The following MED9 variants were observed in gnomAD, a reference collection of about 807,000 sequenced individuals.
MED9 encodes the protein mediator complex subunit 9, also known as mediator of RNA polymerase II transcription subunit 9.
MED9 carries 8 observed loss-of-function variants against 13.2 expected under a neutral mutation model. The observed-to-expected ratio is 0.61, with a 90% CI of 0.36 to 1.10. The LOEUF (loss-of-function observed/expected upper bound fraction) is 1.10, where lower values mean the gene tolerates loss of function less well. Among genes scored for constraint, MED9 ranks in the 50% least tolerant of loss-of-function variants. The pLI is 0.02. For synonymous variants in MED9, 87 were observed against 82.8 expected (o/e 1.05, Z -0.28); for missense variants, 180 against 193.4 (o/e 0.93, Z 0.41).
Position 17,483,861 on chromosome 17 carries a change from C to T in MED9, c.224+6596C>T, listed in dbSNP as rs200209442. On this transcript the variant is annotated intron_variant, in intron 1 of 1. Coordinates refer to ENST00000268711, the MANE Select transcript of MED9 (RefSeq NM_018019.3). This position sits in a 1 kb window ranked among gnomAD's most constrained non-coding sequence, Gnocchi z 4.2. ...CTGAGGCAGGAGAATCGCTTGAACC[C>T]GGGAGGCGGAGGTTGCAGTGAGCCA... Among the ~76,000 whole-genome samples, 10 of 150,834 alleles carry T rather than the reference C, an allele frequency of 6.6e-5. No homozygotes were observed. Among genetic ancestry groups the T allele is most frequent in the South Asian group, 2.1e-4 (1 of 4,794 alleles).
chr17:17,488,831 CA>C (rs532899008), intron 1 of MED9, among the ~76,000 whole-genome samples: 11,618 of 137,050 alleles, frequency 0.085, 873 homozygotes, highest in African/African-American at 0.21. Flanking sequence ...AACTCTGTCT[CA>C]AAAAAAAAAA....
chr17:17,482,227 T>G (rs530078343), intron 1 of MED9, among the ~76,000 whole-genome samples: 116 of 152,308 alleles, frequency 7.6e-4, no homozygotes, highest in African/African-American at 2.5e-3. Context: ...GTAGTCTCTG[T>G]GGGGGTAAAT....
At chr17:17,491,237 T>C in intron 1 of MED9, 42 bp from the exon 2 acceptor site, 1 of 1,559,938 alleles carries the variant, frequency 6.4e-7, no homozygotes, top group Non-Finnish European at 8.8e-7. Flanking sequence ...CGCCAAGACG[T>C]GTATCAAGCT....
chr17:17,489,021 C>T (rs1399748902), intron 1 of MED9, among the ~76,000 whole-genome samples: 1 of 152,154 alleles, frequency 6.6e-6, no homozygotes, highest in Non-Finnish European at 1.5e-5. Context: ...TTTATTCACT[C>T]GGTATTTGGT....
At position 17,492,186 on chromosome 17, in the gene MED9, C is replaced by G. The variant is rs1370121702; in HGVS notation, c.*691C>G. 1 of 153,898 alleles carries G rather than the reference C, an allele frequency of 6.5e-6. No homozygotes were observed. The highest frequency in any genetic ancestry group is 2.4e-5 in the African/African-American group (1 of 41,480). The allele number at this position is 153,898 out of a possible 1,614,324, so 9.5% of individuals were successfully genotyped here. A position where few individuals can be genotyped will look rare whatever the true frequency, so the allele number is the denominator to read the frequency against. ...TGCCTCCTAGCGCTCTCCTCGCCTT[C>G]AGCTCTTGCTCCCTTCCTCGTTCAT... On this transcript the variant is annotated 3_prime_UTR_variant, in exon 2 of 2. Transcript: ENST00000268711.
At chr17:17,488,722 A>T (rs1905180358) in intron 1 of MED9, among the ~76,000 whole-genome samples, 1 of 152,092 alleles carries the variant, frequency 6.6e-6, no homozygotes, top group Non-Finnish European at 1.5e-5. Context: ...AATCCCAGCT[A>T]CTCAGGAGGC....
Position 17,477,062 on chromosome 17 carries a change from A to G in MED9, c.21A>G (p.Ala7=). The stretch of plus-strand genomic sequence containing the variant: ...GAGCCATGGCCTCTGCTGGGGTGGC[A>G]GCCGGGCGACAGGCGGAGGATGTAT... The part of the protein sequence containing the change: MASAGV[A]AGRQAEDVLP... The change falls in exon 1 of 2, where the codon GCA becomes GCG. Residue 7 remains alanine, a synonymous_variant. Transcript: ENST00000268711. 2 of 1,606,670 alleles carry G rather than the reference A, an allele frequency of 1.2e-6. No individual in the cohort carries two copies. Among genetic ancestry groups the G allele is most frequent in the Non-Finnish European group, 1.7e-6 (2 of 1,179,694 alleles).
intron 1 of MED9, among the ~76,000 whole-genome samples, chr17:17,477,864 A>G (rs1453810372): frequency 6.6e-6 from 1 of 152,260 alleles, no homozygotes; most frequent in Non-Finnish European, 1.5e-5. Context: ...ACTTTGTTCT[A>G]ACAGTACCAA....
In MED9 at chr17:17,491,646, C is replaced by G. The variant is rs1041967523; in HGVS notation, c.*151C>G. ...GGCTCCTGTGCTGCTGCGCGCGCTTCGCCTGTGCGGGAGCCAGCGCAGAGC... is the reference window on the plus strand; with the variant it reads ...GGCTCCTGTGCTGCTGCGCGCGCTTGGCCTGTGCGGGAGCCAGCGCAGAGC... On this transcript the variant is annotated 3_prime_UTR_variant, in exon 2 of 2. Coordinates refer to ENST00000268711, the MANE Select transcript of MED9 (RefSeq NM_018019.3). The G allele has an allele frequency of 1.2e-5, 9 of 759,392 alleles. No homozygotes were observed. The South Asian group carries it at 1.4e-4, about 12-fold the overall frequency. The allele number at this position is 759,392 out of a possible 1,614,324, so 47.0% of individuals were successfully genotyped here.
chr17:17,490,233 C>A (rs1396744780), intron 1 of MED9, among the ~76,000 whole-genome samples: 2 of 152,140 alleles, frequency 1.3e-5, no homozygotes, highest in Admixed American at 1.3e-4. Flanking sequence ...GTCAGGAGTT[C>A]AAGACCAGCC....
At chr17:17,478,887 A>AT (rs1327741903) in intron 1 of MED9, among the ~76,000 whole-genome samples, 1 of 152,016 alleles carries the variant, frequency 6.6e-6, no homozygotes, top group Non-Finnish European at 1.5e-5. Context: ...TGCTTATAGG[A>AT]TAAGGCAGCC....
In MED9 at chr17:17,483,866, G is replaced by A. The variant is rs1292365151; in HGVS notation, c.224+6601G>A. ...GCAGGAGAATCGCTTGAACCCGGGA[G>A]GCGGAGGTTGCAGTGAGCCACGATC... On this transcript the variant is annotated intron_variant, in intron 1 of 1. Transcript: ENST00000268711. This position sits in a 1 kb window ranked among gnomAD's most constrained non-coding sequence, Gnocchi z 4.2. Among the ~76,000 whole-genome samples, 2 of 151,754 alleles carry A rather than the reference G, an allele frequency of 1.3e-5. No individual in the cohort carries two copies. The highest frequency in any genetic ancestry group is 4.8e-5 in the African/African-American group (2 of 41,256).
intron 1 of MED9, among the ~76,000 whole-genome samples, chr17:17,481,365 TC>T (rs1405796020): frequency 1.3e-5 from 2 of 152,242 alleles, no homozygotes; most frequent in Non-Finnish European, 2.9e-5. Flanking sequence ...TTTCTTGTTC[TC>T]ATAAAGAATT....
At chr17:17,490,816 T>C (rs867761186) in intron 1 of MED9, among the ~76,000 whole-genome samples, 65 of 152,346 alleles carry the variant, frequency 4.3e-4, no homozygotes, top group African/African-American at 1.5e-3. Context: ...TTAGACAAAA[T>C]GTCGTATTTC....
Position 17,491,803 on chromosome 17 carries a change from A to T in MED9, c.*308A>T, listed in dbSNP as rs1298259372. On this transcript the variant is annotated 3_prime_UTR_variant, in exon 2 of 2. Coordinates refer to ENST00000268711, the MANE Select transcript of MED9 (RefSeq NM_018019.3). Reference sequence around the variant, plus strand: ...GGAGGACTCTCCCCTGCCTCTGGGGAGGGGGCCATCTGCTGCGCCCGGCCC... The same window carrying T: ...GGAGGACTCTCCCCTGCCTCTGGGGTGGGGGCCATCTGCTGCGCCCGGCCC... 5.1e-6 allele frequency: 2 copies of T among 391,812 alleles called. No homozygotes were observed. Among genetic ancestry groups the T allele is most frequent in the Non-Finnish European group, 9.7e-6 (2 of 206,810 alleles). The allele number at this position is 391,812 out of a possible 1,614,324, so 24.3% of individuals were successfully genotyped here. A position where few individuals can be genotyped will look rare whatever the true frequency, so the allele number is the denominator to read the frequency against.
At chr17:17,484,640 C>T (rs140287569) in intron 1 of MED9, among the ~76,000 whole-genome samples, 78 of 152,364 alleles carry the variant, frequency 5.1e-4, no homozygotes, top group Non-Finnish European at 8.4e-4. Context: ...CAGCCACACC[C>T]CAGGGAGCAG....
intron 1 of MED9, among the ~76,000 whole-genome samples, chr17:17,488,683 A>AT (rs1301516301): frequency 6.6e-6 from 1 of 152,124 alleles, no homozygotes; most frequent in Non-Finnish European, 1.5e-5. Flanking sequence ...AAAATACAAA[A>AT]TTAGCCGGGC....
Position 17,491,658 on chromosome 17 carries a change from A to C in MED9, c.*163A>C, listed in dbSNP as rs1049700947. 1.5e-6 allele frequency: 1 copy of C among 677,132 alleles called. No homozygotes were observed. The highest frequency in any genetic ancestry group is 1.8e-5 in the African/African-American group (1 of 55,282). 41.9% of individuals were successfully genotyped at this position (677,132 alleles called of 1,614,324 possible). Reference sequence around the variant, plus strand: ...GCTGCGCGCGCTTCGCCTGTGCGGGAGCCAGCGCAGAGCTTGGCTGCGCCG... The same window carrying C: ...GCTGCGCGCGCTTCGCCTGTGCGGGCGCCAGCGCAGAGCTTGGCTGCGCCG... On this transcript the variant is annotated 3_prime_UTR_variant, in exon 2 of 2. Coordinates refer to ENST00000268711, the MANE Select transcript of MED9 (RefSeq NM_018019.3).
In MED9 at chr17:17,483,765, T is replaced by C. The variant is rs1242516; in HGVS notation, c.224+6500T>C. Among the ~76,000 whole-genome samples the C allele has an allele frequency of 0.86, 131,214 of 151,894 alleles. 57,212 individuals are homozygous for C. The highest frequency in any genetic ancestry group is 0.96 in the African/African-American group (39,674 of 41,442). ...CATCCTGGCCAACACGGTGAAACCCTGTCTCTGCTAAAAATACAAAAATTA... is the reference window on the plus strand; with the variant it reads ...CATCCTGGCCAACACGGTGAAACCCCGTCTCTGCTAAAAATACAAAAATTA... On this transcript the variant is annotated intron_variant, in intron 1 of 1. Transcript: ENST00000268711. The surrounding 1 kb of genome is among the most constrained non-coding windows in gnomAD (Gnocchi z 4.2).
Sources: allele counts gnomAD v4.1 joint callset (sites outside exome capture counted in the v4.1 genomes callset), GRCh38; gene constraint gnomAD v4.1.1; non-coding constraint Gnocchi (gnomAD v3.1); transcripts MANE v1.5; gene names NCBI Gene and HGNC (gene_info 2026-07-23, HGNC 2026-07-21).